The following TF variants were observed in gnomAD, a reference collection of about 807,000 sequenced individuals.
TF encodes transferrin, also known as serotransferrin.
In TF, 55 loss-of-function variants were observed where a neutral mutation model predicts 82.4. The ratio of observed to expected loss-of-function variants is 0.67; its 90% CI spans 0.54 to 0.84. The LOEUF (loss-of-function observed/expected upper bound fraction) is 0.84, where lower values mean the gene tolerates loss of function less well. Ranked by LOEUF, TF falls within the 40% of genes least tolerant of loss-of-function variation. TF has a pLI of 0.00. For synonymous variants in TF, 332 were observed against 332.6 expected, an observed-to-expected ratio of 1.00 and a Z score of 0.02; for missense variants, 737 against 868.4, an observed-to-expected ratio of 0.85 and a Z score of 1.90.
At chr3:133,705,717 G>GTTTTTC in the TF span, among the ~76,000 whole-genome samples, 2 of 152,266 alleles carry the variant, frequency 1.3e-5, no homozygotes, top group South Asian at 2.1e-4. Context: ...TACCTTGATT[G>GTTTTTC]TTTTTCTTTT....
chr3:133,738,977 T>C, the TF span, among the ~76,000 whole-genome samples: 2 of 152,276 alleles, frequency 1.3e-5, no homozygotes, highest in Admixed American at 6.5e-5. Context: ...AAATTTCATA[T>C]GGAACCAAAA....
the TF span, among the ~76,000 whole-genome samples, chr3:133,724,769 T>C: frequency 6.6e-6 from 1 of 152,262 alleles, no homozygotes; most frequent in Non-Finnish European, 1.5e-5. Flanking sequence ...GGTTTTCTTC[T>C]AGGGATTTTA....
chr3:133,702,638 T>C, the TF span, among the ~76,000 whole-genome samples: 1 of 151,724 alleles, frequency 6.6e-6, no homozygotes, highest in Non-Finnish European at 1.5e-5. Flanking sequence ...TTGTGAATGA[T>C]TTTATTTATT....
chr3:133,711,375 CT>C, the TF span, among the ~76,000 whole-genome samples: 1 of 152,206 alleles, frequency 6.6e-6, no homozygotes, highest in Admixed American at 6.5e-5. Flanking sequence ...ATGTATTTAA[CT>C]GCCTATTTGA....
chr3:133,683,834 G>C, the TF span, among the ~76,000 whole-genome samples: 250 of 152,276 alleles, frequency 1.6e-3, 1 homozygote, highest in African/African-American at 5.9e-3. Flanking sequence ...CTTGAACTCA[G>C]CTCTGCACCA....
At chr3:133,719,637 T>C in the TF span, among the ~76,000 whole-genome samples, 1 of 152,168 alleles carries the variant, frequency 6.6e-6, no homozygotes, top group Non-Finnish European at 1.5e-5. Context: ...TTTTTTTTTC[T>C]ATTTCCATGA....
the TF span, among the ~76,000 whole-genome samples, chr3:133,714,355 A>G: frequency 6.6e-6 from 1 of 152,164 alleles, no homozygotes; most frequent in Non-Finnish European, 1.5e-5. Flanking sequence ...AGGCTCTAGA[A>G]AGTTCTCTTT....
the TF span, among the ~76,000 whole-genome samples, chr3:133,685,886 CCAAGA>C: frequency 6.6e-6 from 1 of 152,094 alleles, no homozygotes; most frequent in African/African-American, 2.4e-5. Context: ...GCCCATATTG[CCAAGA>C]CAATCCTAAG....
chr3:133,673,448 G>A, the TF span, among the ~76,000 whole-genome samples: 2 of 152,160 alleles, frequency 1.3e-5, no homozygotes, highest in African/African-American at 4.8e-5. Context: ...CTATCCTTAA[G>A]AGCCCACTGA....
In TF at chr3:133,789,171, G is replaced by A. The variant is rs1405243118; in HGVS notation, c.*10551G>A. The A allele has an allele frequency of 6.6e-6, 1 of 152,238 alleles. No homozygotes were observed. Among genetic ancestry groups the A allele is most frequent in the Admixed American group, 6.5e-5 (1 of 15,290 alleles). The allele number at this position is 152,238 out of a possible 1,614,324, so 9.4% of individuals were successfully genotyped here. A position where few individuals can be genotyped will look rare whatever the true frequency, so the allele number is the denominator to read the frequency against. ...GGGATGCCCTTGGCAGCAGTTCTAA[G>A]GACTAGTACTAAGCCCTCCTTAGAA... On this transcript the variant is annotated 3_prime_UTR_variant, in exon 17 of 17. Coordinates refer to ENST00000402696, the MANE Select transcript of TF (RefSeq NM_001063.4).
chr3:133,729,460 G>T, the TF span, among the ~76,000 whole-genome samples: 2 of 152,240 alleles, frequency 1.3e-5, no homozygotes, highest in Non-Finnish European at 2.9e-5. Flanking sequence ...GACCCTCTGA[G>T]CCAGGTGTGG....
In TF at chr3:133,794,466, T is replaced by C. The variant is rs1370077974; in HGVS notation, c.*15846T>C. Reference sequence around the variant, plus strand: ...CTTTCCCATGCAAGAGGGCTGATGTTATAACACTAAGTTATTATGCCACCA... The same window carrying C: ...CTTTCCCATGCAAGAGGGCTGATGTCATAACACTAAGTTATTATGCCACCA... On this transcript the variant is annotated 3_prime_UTR_variant, in exon 17 of 17. Transcript: ENST00000402696. 1 of 152,260 alleles carries C rather than the reference T, an allele frequency of 6.6e-6. No homozygotes were observed. The highest frequency in any genetic ancestry group is 1.5e-5 in the Non-Finnish European group (1 of 68,048). 9.4% of individuals were successfully genotyped at this position (152,260 alleles called of 1,614,324 possible).
the TF span, among the ~76,000 whole-genome samples, chr3:133,712,008 C>A: frequency 4.6e-5 from 7 of 152,178 alleles, no homozygotes; most frequent in Non-Finnish European, 8.8e-5. Context: ...GTAACTCCTA[C>A]TCACTCTTCA....
At chr3:133,741,726 T>C (rs1933399541), upstream of TF, among the ~76,000 whole-genome samples, 1 of 152,380 alleles carries the variant, frequency 6.6e-6, no homozygotes, top group South Asian at 2.1e-4. Context: ...ATTACAGTGA[T>C]TGATACTTGA....
rs1046142181 is a variant in TF, at chr3:133,794,318, T to C, written c.*15698T>C. 6.6e-6 allele frequency: 1 copy of C among 152,222 alleles called. No homozygotes were observed. Among genetic ancestry groups the C allele is most frequent in the African/African-American group, 2.4e-5 (1 of 41,466 alleles). 9.4% of individuals were successfully genotyped at this position (152,222 alleles called of 1,614,324 possible). On this transcript the variant is annotated 3_prime_UTR_variant, in exon 17 of 17. Coordinates refer to ENST00000402696, the MANE Select transcript of TF (RefSeq NM_001063.4). ...AGTTTATAACCAATGTTTGGTCCCA[T>C]ATTCCTGGGAAAACAATCAAAGCTT...
the TF span, among the ~76,000 whole-genome samples, chr3:133,724,694 C>CATTGCTTTTG: frequency 6.6e-6 from 1 of 152,118 alleles, no homozygotes; most frequent in Non-Finnish European, 1.5e-5. Flanking sequence ...CTTTTGTTGC[C>CATTGCTTTTG]ATTGCTTTTG....
Position 133,795,841 on chromosome 3 carries a change from G to T in TF, c.*17221G>T, listed in dbSNP as rs1934954794. On this transcript the variant is annotated 3_prime_UTR_variant, in exon 17 of 17. Coordinates refer to ENST00000402696, the MANE Select transcript of TF (RefSeq NM_001063.4). ...TCTGCCCACCTCGGCCTCCCAAAGT[G>T]CTGGGATAACAGGCGTGAGCCACTG... 6.6e-6 allele frequency: 1 copy of T among 152,274 alleles called. No homozygotes were observed. The highest frequency in any genetic ancestry group is 2.1e-4 in the South Asian group (1 of 4,812). The allele number at this position is 152,274 out of a possible 1,614,324, so 9.4% of individuals were successfully genotyped here.
At chr3:133,668,259 A>C in the TF span, among the ~76,000 whole-genome samples, 1 of 152,196 alleles carries the variant, frequency 6.6e-6, no homozygotes, top group Admixed American at 6.5e-5. Flanking sequence ...TTTTCGCAGC[A>C]CAAGTAGGTG....
At chr3:133,672,144 A>G in the TF span, among the ~76,000 whole-genome samples, 1 of 152,182 alleles carries the variant, frequency 6.6e-6, no homozygotes, top group Non-Finnish European at 1.5e-5. Context: ...TTAACAAAAA[A>G]CTTACCAATA....
Sources: gnomAD v4.1 joint callset for allele counts (sites outside exome capture counted in the v4.1 genomes callset) on GRCh38, gnomAD v4.1.1 for gene constraint, MANE v1.5 for transcripts, NCBI Gene and HGNC (gene_info 2026-07-23, HGNC 2026-07-21) for gene names.